The following SYNPR variants were observed in gnomAD, a reference collection of about 807,000 sequenced individuals.
SYNPR encodes the protein synaptoporin.
A neutral mutation model predicts 32.9 loss-of-function variants in SYNPR; 23 were observed. That is an observed-to-expected ratio of 0.70 (90% CI 0.50 to 0.99). The LOEUF (loss-of-function observed/expected upper bound fraction) is 0.99, where lower values mean the gene tolerates loss of function less well. SYNPR is among the 50% of genes least tolerant of loss of function. The probability of loss-of-function intolerance (pLI) is 0.00; values close to 1 mark genes in which losing one functional copy is unlikely to be tolerated. For missense variants in SYNPR, 318 were observed against 349.3 expected, an observed-to-expected ratio of 0.91 and a Z score of 0.71; for synonymous variants, 146 against 135.9, an observed-to-expected ratio of 1.07 and a Z score of -0.52.
intron 2 of SYNPR, among the ~76,000 whole-genome samples, chr3:63,335,364 A>C (rs1050597575): frequency 2.0e-5 from 3 of 151,896 alleles, no homozygotes; most frequent in African/African-American, 7.2e-5. Context: ...AAAAAAAAAA[A>C]AAAAAAAAAA....
At chr3:63,299,356 C>T (rs2086820646) in intron 2 of SYNPR, among the ~76,000 whole-genome samples, 1 of 152,114 alleles carries the variant, frequency 6.6e-6, no homozygotes, top group African/African-American at 2.4e-5. Context: ...ATCTCTCTGA[C>T]TCTTACTGTG....
intron 2 of SYNPR, among the ~76,000 whole-genome samples, chr3:63,400,927 C>T (rs1360954282): frequency 6.6e-6 from 1 of 152,016 alleles, no homozygotes; most frequent in Non-Finnish European, 1.5e-5. Context: ...TGGCTTGATA[C>T]ATATGATGGA....
intron 3 of SYNPR, among the ~76,000 whole-genome samples, chr3:63,483,873 C>G (rs1701095866): frequency 6.6e-6 from 1 of 152,132 alleles, no homozygotes; most frequent in Non-Finnish European, 1.5e-5. Context: ...AAGCCAATGC[C>G]AATGATTTGA....
At chr3:63,327,694 C>G (rs911683299) in intron 2 of SYNPR, among the ~76,000 whole-genome samples, 2 of 152,040 alleles carry the variant, frequency 1.3e-5, no homozygotes, top group African/African-American at 4.8e-5. Context: ...AAAGACAGTA[C>G]AATATATAAT....
chr3:63,538,304 T>G (rs1559529896), intron 3 of SYNPR, among the ~76,000 whole-genome samples: 1 of 151,850 alleles, frequency 6.6e-6, no homozygotes, highest in Non-Finnish European at 1.5e-5. Flanking sequence ...GGAAAATAAT[T>G]TCAAGCAGAG....
At chr3:63,428,395 A>T (rs1453275264) in intron 2 of SYNPR, among the ~76,000 whole-genome samples, 2 of 152,272 alleles carry the variant, frequency 1.3e-5, no homozygotes, top group Non-Finnish European at 1.5e-5. Context: ...GGGAAATATT[A>T]AAATAAATTA....
At chr3:63,209,228 G>A in the SYNPR span, among the ~76,000 whole-genome samples, 1 of 148,264 alleles carries the variant, frequency 6.7e-6, no homozygotes, top group South Asian at 2.1e-4. Context: ...TGAGGCAGGA[G>A]AATGGCATGA....
At chr3:63,484,522 G>A (rs1223530080) in intron 3 of SYNPR, among the ~76,000 whole-genome samples, 1 of 152,076 alleles carries the variant, frequency 6.6e-6, no homozygotes, top group Non-Finnish European at 1.5e-5. Flanking sequence ...GAGGTTAGGG[G>A]GCTATAGGAA....
intron 2 of SYNPR, among the ~76,000 whole-genome samples, chr3:63,416,207 A>G (rs569400381): frequency 2.3e-4 from 35 of 152,320 alleles, no homozygotes; most frequent in African/African-American, 7.0e-4. Flanking sequence ...GTGCAGTCAC[A>G]TGTAAACACC....
At position 63,503,616 on chromosome 3, in the gene SYNPR, A is replaced by G. The variant is rs918251903; in HGVS notation, c.209+22660A>G. Among the ~76,000 whole-genome samples, 6 of 152,242 alleles carry G rather than the reference A, an allele frequency of 3.9e-5. No homozygotes were observed. In the East Asian group the frequency reaches 7.7e-4, roughly 20 times the overall value. ...TTGTTTTGTAGAAAGTCACAGTTTTAAGGAGGTAGGGTTTAGTCATCTATT... is the reference window on the plus strand; with the variant it reads ...TTGTTTTGTAGAAAGTCACAGTTTTGAGGAGGTAGGGTTTAGTCATCTATT... On this transcript the variant is annotated intron_variant, in intron 3 of 5. Coordinates refer to ENST00000478300, the MANE Select transcript of SYNPR (RefSeq NM_001130003.2).
chr3:63,442,164 AGTGTGTGT>A (rs34163380), intron 2 of SYNPR, among the ~76,000 whole-genome samples: 1 of 148,328 alleles, frequency 6.7e-6, no homozygotes, highest in African/African-American at 2.5e-5. Context: ...TGGTAGTGAT[AGTGTGTGT>A]GTGTGTGTGT....
chr3:63,307,035 C>A (rs1042821652), intron 2 of SYNPR, among the ~76,000 whole-genome samples: 1 of 152,050 alleles, frequency 6.6e-6, no homozygotes, highest in Non-Finnish European at 1.5e-5. Flanking sequence ...AGTGAAACAT[C>A]TCTCGTTAGT....
intron 2 of SYNPR, among the ~76,000 whole-genome samples, chr3:63,467,130 C>A (rs1198557790): frequency 6.6e-6 from 1 of 152,148 alleles, no homozygotes; most frequent in Non-Finnish European, 1.5e-5. Context: ...CCCACCTGAG[C>A]CTCCCAAGTA....
intron 3 of SYNPR, among the ~76,000 whole-genome samples, chr3:63,537,675 G>C (rs574747791): frequency 2.0e-5 from 3 of 152,218 alleles, no homozygotes; most frequent in Admixed American, 6.5e-5. Flanking sequence ...ACGATGTCAG[G>C]ATATATTCTA....
chr3:63,259,199 G>A (rs566689543), intron 2 of SYNPR, among the ~76,000 whole-genome samples: 72 of 152,094 alleles, frequency 4.7e-4, no homozygotes, highest in Non-Finnish European at 9.0e-4. Flanking sequence ...AGAAAAAGAC[G>A]GAATCCTCCC....
chr3:63,351,853 A>T (rs1443338217), intron 2 of SYNPR, among the ~76,000 whole-genome samples: 2 of 152,198 alleles, frequency 1.3e-5, no homozygotes, highest in African/African-American at 2.4e-5. Context: ...GAGAGATAAA[A>T]GAAGTAGTGA....
intron 2 of SYNPR, among the ~76,000 whole-genome samples, chr3:63,375,436 C>A (rs995524827): frequency 1.3e-5 from 2 of 152,062 alleles, no homozygotes; most frequent in Non-Finnish European, 2.9e-5. Flanking sequence ...ATGGACGAAG[C>A]TGGAAACCAT....
At chr3:63,221,939 G>A in the SYNPR span, among the ~76,000 whole-genome samples, 1 of 148,656 alleles carries the variant, frequency 6.7e-6, no homozygotes, top group Non-Finnish European at 1.5e-5. Flanking sequence ...GGTGGCTGAT[G>A]ATAGTAGTTG....
At chr3:63,614,025 C>T (rs993834648) in intron 5 of SYNPR, among the ~76,000 whole-genome samples, 1 of 132,064 alleles carries the variant, frequency 7.6e-6, no homozygotes, top group African/African-American at 2.7e-5. Context: ...TACACCAGTG[C>T]CCCCTCTGCC....
Sources: gnomAD v4.1 joint callset for allele counts (sites outside exome capture counted in the v4.1 genomes callset) on GRCh38, gnomAD v4.1.1 for gene constraint, MANE v1.5 for transcripts, NCBI Gene and HGNC (gene_info 2026-07-23, HGNC 2026-07-21) for gene names.